Variants in VEZT observed in about 807,000 individuals in gnomAD.
The protein encoded by VEZT is vezatin.
A neutral mutation model predicts 79.9 loss-of-function variants in VEZT; 39 were observed. The ratio of observed to expected loss-of-function variants is 0.49; its 90% CI spans 0.38 to 0.64. The LOEUF (loss-of-function observed/expected upper bound fraction) is 0.64. Among genes scored for constraint, VEZT ranks in the 30% least tolerant of loss-of-function variants. The probability of loss-of-function intolerance (pLI) is 0.00; values close to 1 mark genes in which losing one functional copy is unlikely to be tolerated. For missense variants in VEZT, 837 were observed against 893.1 expected (o/e 0.94, Z 0.80); for synonymous variants, 325 against 327.6 (o/e 0.99, Z 0.09).
At chr12:95,272,981 C>G (rs993828272) in intron 6 of VEZT, among the ~76,000 whole-genome samples, 1 of 152,108 alleles carries the variant, frequency 6.6e-6, no homozygotes, top group African/African-American at 2.4e-5. Flanking sequence ...CACCTGGGCT[C>G]AAGGGATCCC....
intron 4 of VEZT, among the ~76,000 whole-genome samples, chr12:95,264,568 C>G (rs1037991541): frequency 1.8e-4 from 28 of 152,096 alleles, no homozygotes; most frequent in African/African-American, 6.3e-4. Flanking sequence ...TCCCAAATAC[C>G]TGGGACTATA....
chr12:95,276,487 C>A (rs1033052622), intron 7 of VEZT, among the ~76,000 whole-genome samples: 1 of 151,938 alleles, frequency 6.6e-6, no homozygotes, highest in African/African-American at 2.4e-5. Flanking sequence ...CCAGGCTGGT[C>A]TAAAACTCCT....
chr12:95,285,622 T>C (rs1459262786), intron 8 of VEZT, among the ~76,000 whole-genome samples: 1 of 152,134 alleles, frequency 6.6e-6, no homozygotes, highest in Non-Finnish European at 1.5e-5. Context: ...TGTCTCTCTG[T>C]GGTATTATCC....
intron 3 of VEZT, 135 bp downstream of exon 3, chr12:95,257,374 C>A: frequency 1.4e-6 from 1 of 693,520 alleles, no homozygotes; most frequent in Non-Finnish European, 2.4e-6. Flanking sequence ...AACTCAGGAT[C>A]TTTTAATTTG....
chr12:95,240,436 A>C (rs1258583201), intron 1 of VEZT, among the ~76,000 whole-genome samples: 1 of 152,176 alleles, frequency 6.6e-6, no homozygotes, highest in Admixed American at 6.5e-5. Flanking sequence ...CCAACAGCTT[A>C]GCTCAGCTAT....
At chr12:95,295,945 A>G (rs930568927) in intron 10 of VEZT, 106 bp from the exon 11 acceptor site, 4 of 850,982 alleles carry the variant, frequency 4.7e-6, no homozygotes, top group Non-Finnish European at 7.0e-6. Context: ...TGCCAAATGC[A>G]AGTCCTTTTT....
intron 1 of VEZT, among the ~76,000 whole-genome samples, chr12:95,235,364 G>A (rs1329664686): frequency 2.2e-5 from 3 of 135,294 alleles, no homozygotes; most frequent in Non-Finnish European, 3.2e-5. Context: ...AGGGGCGGCC[G>A]GGCAGAGGCG....
chr12:95,270,698 A>G (rs1408689906), intron 6 of VEZT, among the ~76,000 whole-genome samples: 1 of 152,218 alleles, frequency 6.6e-6, no homozygotes, highest in African/African-American at 2.4e-5. Flanking sequence ...GGCAATAATA[A>G]CATCATCTTC....
intron 1 of VEZT, among the ~76,000 whole-genome samples, chr12:95,245,881 A>C (rs1371725830): frequency 6.6e-6 from 1 of 152,200 alleles, no homozygotes; most frequent in African/African-American, 2.4e-5. Context: ...TCAGAGGCTG[A>C]GGTGGGAAGA....
chr12:95,242,524 C>T (rs188244887), intron 1 of VEZT, among the ~76,000 whole-genome samples: 3 of 152,228 alleles, frequency 2.0e-5, no homozygotes, highest in Non-Finnish European at 4.4e-5. Context: ...GCCTCAAACT[C>T]CTGGGCTCAA....
chr12:95,264,779 A>G (rs1434602272), intron 4 of VEZT, among the ~76,000 whole-genome samples: 1 of 144,704 alleles, frequency 6.9e-6, no homozygotes, highest in African/African-American at 2.6e-5. Flanking sequence ...TTTTCTTTGC[A>G]ATATGATTAT....
At chr12:95,272,455 G>A (rs2066816820) in intron 6 of VEZT, among the ~76,000 whole-genome samples, 1 of 152,182 alleles carries the variant, frequency 6.6e-6, no homozygotes, top group Non-Finnish European at 1.5e-5. Context: ...AGACCATCAT[G>A]AGTTGAGCAC....
chr12:95,218,506 G>A (rs2057059333), intron 1 of VEZT: 1 of 152,172 alleles, frequency 6.6e-6, no homozygotes, highest in South Asian at 2.1e-4. Context: ...GAGTGCTTTT[G>A]TGTGGGACTA....
intron 9 of VEZT, among the ~76,000 whole-genome samples, chr12:95,293,242 T>C (rs912791795): frequency 6.6e-6 from 1 of 152,212 alleles, no homozygotes; most frequent in South Asian, 2.1e-4. Flanking sequence ...TGCTATTCTG[T>C]CTCTCATTAG....
chr12:95,285,849 T>C (rs1406308961), intron 8 of VEZT, among the ~76,000 whole-genome samples: 1 of 152,070 alleles, frequency 6.6e-6, no homozygotes, highest in Non-Finnish European at 1.5e-5. Flanking sequence ...GTGCTATTGA[T>C]GCAAAAAAGA....
intron 9 of VEZT, among the ~76,000 whole-genome samples, chr12:95,288,895 A>G (rs894955847): frequency 2.6e-5 from 4 of 151,894 alleles, no homozygotes; most frequent in African/African-American, 9.7e-5. Context: ...AAATAGAAAC[A>G]CTCAGAAGAC....
intron 7 of VEZT, among the ~76,000 whole-genome samples, chr12:95,278,605 C>T (rs2068289526): frequency 6.6e-6 from 1 of 152,112 alleles, no homozygotes; most frequent in South Asian, 2.1e-4. Flanking sequence ...AAGTGTGTTG[C>T]CCCCTCTAAA....
intron 2 of VEZT, chr12:95,256,574 A>G (rs979870606): frequency 3.9e-6 from 5 of 1,289,478 alleles, no homozygotes; most frequent in Admixed American, 2.3e-5. Flanking sequence ...TAATCACTCA[A>G]TGAATATAAA....
At chr12:95,285,013 C>T (rs1373210760) in intron 8 of VEZT, among the ~76,000 whole-genome samples, 1 of 141,462 alleles carries the variant, frequency 7.1e-6, no homozygotes, top group East Asian at 2.1e-4. Context: ...GTGAACCCGG[C>T]AGGTGGAGCT....
Sources: gnomAD v4.1 joint callset for allele counts (sites outside exome capture counted in the v4.1 genomes callset) on GRCh38, gnomAD v4.1.1 for gene constraint, MANE v1.5 for transcripts, NCBI Gene and HGNC (gene_info 2026-07-23, HGNC 2026-07-21) for gene names.